CSMD1: variants seen among roughly 807,000 people sequenced by gnomAD.
The protein encoded by CSMD1 is CUB and Sushi multiple domains 1, also known as CUB and sushi domain-containing protein 1.
A neutral mutation model predicts 417.5 loss-of-function variants in CSMD1; 213 were observed. The ratio of observed to expected loss-of-function variants is 0.51; its 90% CI spans 0.46 to 0.57. The LOEUF (loss-of-function observed/expected upper bound fraction) is 0.57, where lower values mean the gene tolerates loss of function less well. Ranked by LOEUF, CSMD1 falls within the 20% of genes least tolerant of loss-of-function variation. The pLI, the probability that CSMD1 is intolerant of heterozygous loss-of-function variation, is 0.00. For synonymous variants in CSMD1, 2,862 were observed against 1,736.8 expected, an observed-to-expected ratio of 1.65 and a Z score of -16.11; for missense variants, 6,923 against 4,529.7, an observed-to-expected ratio of 1.53 and a Z score of -15.17.
At chr8:3,937,496 G>T (rs772162639) in intron 5 of CSMD1, among the ~76,000 whole-genome samples, 2 of 152,116 alleles carry the variant, frequency 1.3e-5, no homozygotes, top group South Asian at 2.1e-4. Flanking sequence ...AAAAGATGAT[G>T]AGTCATTGAA....
At chr8:3,278,670 C>G (rs1269233489) in intron 26 of CSMD1, 5 of 151,014 alleles carry the variant, frequency 3.3e-5, no homozygotes, top group African/African-American at 9.7e-5. Context: ...TTTTTGGTCC[C>G]AGGTTCATAA....
intron 1 of CSMD1, among the ~76,000 whole-genome samples, chr8:4,902,024 T>G (rs1285255591): frequency 6.6e-6 from 1 of 152,208 alleles, no homozygotes; most frequent in African/African-American, 2.4e-5. Flanking sequence ...GCAGCTATGA[T>G]GCAAACATAC....
At chr8:3,847,849 C>T (rs1435999413) in intron 5 of CSMD1, among the ~76,000 whole-genome samples, 3 of 152,196 alleles carry the variant, frequency 2.0e-5, no homozygotes, top group African/African-American at 7.2e-5. Flanking sequence ...GATGTATTTG[C>T]TCCCATTATG....
chr8:4,430,896 G>C (rs1387170997), intron 2 of CSMD1, among the ~76,000 whole-genome samples: 3 of 152,126 alleles, frequency 2.0e-5, no homozygotes, highest in Admixed American at 1.3e-4. Flanking sequence ...AGCTTCTCCT[G>C]AATGGTAAGG....
chr8:3,974,835 T>G (rs748524686), intron 5 of CSMD1, among the ~76,000 whole-genome samples: 27 of 152,128 alleles, frequency 1.8e-4, no homozygotes, highest in Admixed American at 6.6e-4. Flanking sequence ...CAATTAATGT[T>G]TTACCAGAGT....
intron 2 of CSMD1, among the ~76,000 whole-genome samples, chr8:4,434,646 G>A (rs1798050579): frequency 1.3e-5 from 2 of 152,162 alleles, no homozygotes; most frequent in Admixed American, 1.3e-4. Context: ...CAACTGGGAA[G>A]ACATATCACA....
chr8:4,375,431 C>T (rs1802670367), intron 3 of CSMD1, among the ~76,000 whole-genome samples: 2 of 152,082 alleles, frequency 1.3e-5, no homozygotes, highest in East Asian at 3.9e-4. Context: ...CTTGTACTAC[C>T]CCAGGAAACC....
At chr8:3,926,051 T>TATACACACACACACACAAACACC (rs1809654722) in intron 5 of CSMD1, among the ~76,000 whole-genome samples, 21 of 76,674 alleles carry the variant, frequency 2.7e-4, no homozygotes, top group East Asian at 9.6e-4. Context: ...ACAAACACCA[T>TATACACACACACACACAAACACC]ATACACACAC....
chr8:3,383,288 A>T (rs1009782144), intron 18 of CSMD1, among the ~76,000 whole-genome samples: 1 of 152,248 alleles, frequency 6.6e-6, no homozygotes, highest in Non-Finnish European at 1.5e-5. Flanking sequence ...TCACACCTCA[A>T]TAAAGCTGTT....
Position 4,313,426 on chromosome 8 carries a change from C to G in CSMD1, c.415+106527G>C, listed in dbSNP as rs567090633. On this transcript the variant is annotated intron_variant, in intron 3 of 69. Coordinates refer to ENST00000635120, the MANE Select transcript of CSMD1 (RefSeq NM_033225.6). ...TTAGTGTGAAGATGCCTGACGGGAC[C>G]CCTGTGACATTTAATTCTCCTCTGA... Among the ~76,000 whole-genome samples, 5 of 151,678 alleles carry G rather than the reference C, an allele frequency of 3.3e-5. No homozygotes were observed. The South Asian group carries it at 1.0e-3, about 32-fold the overall frequency.
intron 17 of CSMD1, among the ~76,000 whole-genome samples, chr8:3,390,689 G>T (rs1811298002): frequency 6.6e-6 from 1 of 151,290 alleles, no homozygotes; most frequent in South Asian, 2.1e-4. Flanking sequence ...TGCAAAATAA[G>T]TGACTGAATA....
chr8:3,698,436 A>G (rs1180109665), intron 7 of CSMD1, among the ~76,000 whole-genome samples: 1 of 152,214 alleles, frequency 6.6e-6, no homozygotes. Flanking sequence ...TACTACTGTT[A>G]GAGGTTAATG....
intron 3 of CSMD1, among the ~76,000 whole-genome samples, chr8:4,117,670 A>C (rs546982430): frequency 9.5e-4 from 145 of 152,330 alleles, no homozygotes; most frequent in Middle Eastern, 3.4e-3. Context: ...CCAAATAGAC[A>C]GACTGTATAC....
intron 1 of CSMD1, among the ~76,000 whole-genome samples, chr8:4,913,257 C>T (rs961527296): frequency 6.6e-6 from 1 of 152,158 alleles, no homozygotes; most frequent in Non-Finnish European, 1.5e-5. Flanking sequence ...AGTTGTTTCT[C>T]TTCTTTCCTG....
chr8:3,388,896 TACACACAC>T (rs6150441), intron 17 of CSMD1, among the ~76,000 whole-genome samples: 2,993 of 147,664 alleles, frequency 0.02, 31 homozygotes, highest in South Asian at 0.044. Context: ...CACACATGCA[TACACACAC>T]ACACACACAC....
At chr8:3,709,887 A>T (rs1801409178) in intron 6 of CSMD1, among the ~76,000 whole-genome samples, 2 of 149,784 alleles carry the variant, frequency 1.3e-5, no homozygotes, top group African/African-American at 4.9e-5. Context: ...ACATAAGGAG[A>T]TTCATATAGA....
chr8:3,688,488 G>A (rs1480850973), intron 7 of CSMD1, among the ~76,000 whole-genome samples: 2 of 152,188 alleles, frequency 1.3e-5, no homozygotes, highest in African/African-American at 2.4e-5. Flanking sequence ...AATGTCAAAT[G>A]AGGAAATGTA....
At chr8:3,861,964 G>T (rs1804740458) in intron 5 of CSMD1, among the ~76,000 whole-genome samples, 1 of 152,092 alleles carries the variant, frequency 6.6e-6, no homozygotes, top group African/African-American at 2.4e-5. Flanking sequence ...TTTAATATCT[G>T]TTTTCTGTGA....
At chr8:3,763,780 G>A (rs570425927) in intron 5 of CSMD1, among the ~76,000 whole-genome samples, 20 of 152,162 alleles carry the variant, frequency 1.3e-4, no homozygotes, top group East Asian at 7.7e-4. Flanking sequence ...AATGACCAGG[G>A]CTCCATATTC....
Sources: gnomAD v4.1 joint callset for allele counts (sites outside exome capture counted in the v4.1 genomes callset) on GRCh38, gnomAD v4.1.1 for gene constraint, MANE v1.5 for transcripts, NCBI Gene and HGNC (gene_info 2026-07-23, HGNC 2026-07-21) for gene names.